Variants in DAD1 observed in about 807,000 individuals in gnomAD.
DAD1 encodes dolichyl-diphosphooligosaccharide--protein glycosyltransferase subunit DAD1.
In DAD1, 4 loss-of-function variants were observed where a neutral mutation model predicts 9.0. That is an observed-to-expected ratio of 0.44 (90% confidence interval 0.22 to 1.01). The LOEUF is 1.01. Among genes scored for constraint, DAD1 ranks in the 50% least tolerant of loss-of-function variants. DAD1 has a pLI of 0.24. For missense variants in DAD1, 119 were observed against 137.3 expected, an observed-to-expected ratio of 0.87 and a Z score of 0.67; for synonymous variants, 60 against 62.5, an observed-to-expected ratio of 0.96 and a Z score of 0.19.
At chr14:22,580,111 C>G (rs952596733) in intron 1 of DAD1, among the ~76,000 whole-genome samples, 1 of 152,032 alleles carries the variant, frequency 6.6e-6, no homozygotes, top group Non-Finnish European at 1.5e-5. Context: ...AGCCCCCACA[C>G]CCAGCCCATT....
chr14:22,587,187 C>T (rs1427931444), intron 1 of DAD1, among the ~76,000 whole-genome samples: 2 of 152,136 alleles, frequency 1.3e-5, no homozygotes, highest in African/African-American at 4.8e-5. Context: ...TAGTCCATGC[C>T]CACTCTTCAG....
At chr14:22,587,217 C>A (rs5742743) in intron 1 of DAD1, among the ~76,000 whole-genome samples, 19,408 of 152,178 alleles carry the variant, frequency 0.13, 1,270 homozygotes, top group South Asian at 0.22. Flanking sequence ...TTCTTCAAAG[C>A]ATCCATGAAA....
chr14:22,576,082 C>T (rs8021025), intron 1 of DAD1, among the ~76,000 whole-genome samples: 14,041 of 152,130 alleles, frequency 0.092, 1,186 homozygotes, highest in African/African-American at 0.22. Context: ...CTGCCCAGGC[C>T]GGACTGGAAC....
intron 2 of DAD1, among the ~76,000 whole-genome samples, chr14:22,570,423 C>G (rs2037030815): frequency 6.6e-6 from 1 of 152,128 alleles, no homozygotes; most frequent in Non-Finnish European, 1.5e-5. Flanking sequence ...AACCCAGCAT[C>G]TAAACCCTCC....
At chr14:22,571,978 C>A (rs1446606400) in intron 2 of DAD1, among the ~76,000 whole-genome samples, 1 of 152,156 alleles carries the variant, frequency 6.6e-6, no homozygotes, top group Non-Finnish European at 1.5e-5. Flanking sequence ...TAAATGAGAA[C>A]AGCAAGCCTA....
intron 2 of DAD1, among the ~76,000 whole-genome samples, chr14:22,567,469 T>G (rs1266979786): frequency 6.6e-6 from 1 of 152,222 alleles, no homozygotes; most frequent in Non-Finnish European, 1.5e-5. Context: ...GCACAGACTG[T>G]GTATTTCTAA....
At position 22,571,544 on chromosome 14, in the gene DAD1, T is replaced by C. The variant is rs560960796; in HGVS notation, c.*44+3515A>G. ...TTTTGCTTTTGTATTTTCATTTGTA[T>C]AGTCTAAAAAATAAAAAATATTGAG... On this transcript the variant is annotated intron_variant, in intron 2 of 2. Coordinates refer to ENST00000250498, the MANE Select transcript of DAD1 (RefSeq NM_001344.4). 2.6e-5 allele frequency among the ~76,000 whole-genome samples: 4 copies of C among 151,696 alleles called. No homozygotes were observed. In the East Asian group the frequency reaches 7.7e-4, roughly 29 times the overall value.
chr14:22,579,951 C>G (rs909877554), intron 1 of DAD1, among the ~76,000 whole-genome samples: 4 of 151,540 alleles, frequency 2.6e-5, no homozygotes, highest in African/African-American at 9.7e-5. Context: ...ACAATCCTCC[C>G]ACCTCAGCCC....
chr14:22,588,926 G>T, intron 1 of DAD1, 21 bp downstream of exon 1: 1 of 1,609,724 alleles, frequency 6.2e-7, no homozygotes, highest in Middle Eastern at 1.7e-4. Flanking sequence ...TTATTATTAT[G>T]ATCACTTATA....
intron 1 of DAD1, among the ~76,000 whole-genome samples, chr14:22,575,827 A>T (rs573896237): frequency 3.3e-4 from 50 of 152,280 alleles, no homozygotes; most frequent in African/African-American, 1.2e-3. Context: ...GATTACAGGC[A>T]TGAGCCACCG....
chr14:22,571,025 T>TCAAAAA (rs1555305586), intron 2 of DAD1, among the ~76,000 whole-genome samples: 1 of 149,140 alleles, frequency 6.7e-6, no homozygotes, highest in Non-Finnish European at 1.5e-5. Context: ...TTTTTTTTTT[T>TCAAAAA]AAAAAAGAGT....
intron 1 of DAD1, among the ~76,000 whole-genome samples, chr14:22,575,499 C>T (rs1318222360): frequency 6.6e-6 from 1 of 152,134 alleles, no homozygotes; most frequent in Non-Finnish European, 1.5e-5. Context: ...CTGCTATACA[C>T]AAAAATGGAT....
intron 2 of DAD1, chr14:22,567,068 T>G (rs1362603862): frequency 6.6e-6 from 1 of 152,190 alleles, no homozygotes; most frequent in African/African-American, 2.4e-5. Context: ...TATCAAGACA[T>G]GCAAAATGAA....
chr14:22,580,939 CA>C (rs199915189), intron 1 of DAD1, among the ~76,000 whole-genome samples: 57 of 143,874 alleles, frequency 4.0e-4, no homozygotes, highest in Middle Eastern at 6.9e-3. Context: ...ACAAAAAAGG[CA>C]AAAAAAAAAG....
rs778893919 is a variant in DAD1 at position 22,575,245 on chromosome 14, G to A, written c.212-12C>T. 75 of 1,609,906 alleles carry A rather than the reference G, an allele frequency of 4.7e-5. No homozygotes were observed. The highest frequency in any genetic ancestry group is 5.7e-5 in the Non-Finnish European group (67 of 1,178,516). Reference sequence around the variant, plus strand: ...TATTCTCAGGCAAACTGCACAAGAAGCAAAACACAAAAAAATGATTATATA... The same window carrying A: ...TATTCTCAGGCAAACTGCACAAGAAACAAAACACAAAAAAATGATTATATA... On this transcript the variant is annotated splice_polypyrimidine_tract_variant and intron_variant, in intron 1 of 2. Transcript: ENST00000250498.
At chr14:22,570,715 C>G (rs5742827) in intron 2 of DAD1, among the ~76,000 whole-genome samples, 14,457 of 152,252 alleles carry the variant, frequency 0.095, 1,265 homozygotes, top group African/African-American at 0.23. Flanking sequence ...TTCTGCCCAA[C>G]CCTGTAGCCC....
intron 1 of DAD1, among the ~76,000 whole-genome samples, chr14:22,578,931 G>C (rs984058013): frequency 1.3e-5 from 2 of 152,148 alleles, no homozygotes; most frequent in African/African-American, 4.8e-5. Flanking sequence ...ATTATACCTA[G>C]ATGGGGATGC....
At chr14:22,580,258 A>T (rs1407408145) in intron 1 of DAD1, among the ~76,000 whole-genome samples, 1 of 151,828 alleles carries the variant, frequency 6.6e-6, no homozygotes, top group Non-Finnish European at 1.5e-5. Flanking sequence ...TCTCTACAAA[A>T]AAAATGTTTT....
In DAD1 at chr14:22,581,382, C is replaced by G. The variant is rs534494199; in HGVS notation, c.212-6149G>C. ...AGACCAATATTTGAAAGATAAGGAA[C>G]CAACCATGTAAAAATCTGGGGGCAG... On this transcript the variant is annotated intron_variant, in intron 1 of 2. Transcript: ENST00000250498. Among the ~76,000 whole-genome samples, 4 of 152,240 alleles carry G rather than the reference C, an allele frequency of 2.6e-5. No homozygotes were observed. The South Asian group carries it at 6.2e-4, about 24-fold the overall frequency.
Sources: allele counts gnomAD v4.1 joint callset (sites outside exome capture counted in the v4.1 genomes callset), GRCh38; gene constraint gnomAD v4.1.1; transcripts MANE v1.5; gene names NCBI Gene and HGNC (gene_info 2026-07-23, HGNC 2026-07-21).